GLI2: variants seen among roughly 807,000 people sequenced by gnomAD.
The protein encoded by GLI2 is GLI family zinc finger 2.
Under a neutral mutation model 78.9 loss-of-function variants are expected in GLI2, and 22 were observed. The ratio of observed to expected loss-of-function variants is 0.28; its 90% CI spans 0.20 to 0.40. The LOEUF (loss-of-function observed/expected upper bound fraction) is 0.40, where lower values mean the gene tolerates loss of function less well. GLI2 is among the 10% of genes least tolerant of loss of function. The pLI, the probability that GLI2 is intolerant of heterozygous loss-of-function variation, is 1.00. For synonymous variants in GLI2, 974 were observed against 963.7 expected, an observed-to-expected ratio of 1.01 and a Z score of -0.20; for missense variants, 2,097 against 2,213.2, an observed-to-expected ratio of 0.95 and a Z score of 1.05.
chr2:120,791,573 A>G (rs1323072469), intron 1 of GLI2, among the ~76,000 whole-genome samples: 1 of 152,228 alleles, frequency 6.6e-6, no homozygotes, highest in Non-Finnish European at 1.5e-5. Flanking sequence ...GGATCTTAAA[A>G]ATAAGTCTGT....
chr2:120,984,064 C>T (rs1682849648), intron 11 of GLI2, among the ~76,000 whole-genome samples: 1 of 152,024 alleles, frequency 6.6e-6, no homozygotes, highest in Non-Finnish European at 1.5e-5. Context: ...GTTCCTTTGC[C>T]TCCCTGATCC....
chr2:120,850,900 C>T (rs904664742), intron 2 of GLI2, among the ~76,000 whole-genome samples: 7 of 152,126 alleles, frequency 4.6e-5, no homozygotes, highest in Admixed American at 3.3e-4. Flanking sequence ...AGAATCAAAA[C>T]GTGGTATTTT....
At chr2:120,901,229 T>C (rs1678238026) in intron 2 of GLI2, among the ~76,000 whole-genome samples, 1 of 152,206 alleles carries the variant, frequency 6.6e-6, no homozygotes, top group African/African-American at 2.4e-5. Flanking sequence ...GTTTTTTTCT[T>C]CCAGACTGTT....
chr2:120,813,686 T>C (rs957532661), intron 2 of GLI2, among the ~76,000 whole-genome samples: 3 of 152,146 alleles, frequency 2.0e-5, no homozygotes, highest in African/African-American at 7.2e-5. Context: ...CACTGCTGAC[T>C]TCTCCTCCAT....
chr2:120,936,440 G>A (rs573410663), intron 3 of GLI2, among the ~76,000 whole-genome samples: 2 of 152,290 alleles, frequency 1.3e-5, no homozygotes, highest in South Asian at 2.1e-4. Context: ...ACCCTGTAAG[G>A]TGGGGGATTT....
At chr2:120,963,563 G>A (rs1681691524) in intron 5 of GLI2, among the ~76,000 whole-genome samples, 1 of 151,782 alleles carries the variant, frequency 6.6e-6, no homozygotes, top group East Asian at 1.9e-4. Flanking sequence ...GTGTCCACCT[G>A]GGGTGTGTGT....
At position 120,862,318 on chromosome 2, in the gene GLI2, A is replaced by G. The variant is rs932816037; in HGVS notation, c.148+64850A>G. 2.0e-5 allele frequency among the ~76,000 whole-genome samples: 3 copies of G among 152,194 alleles called. No homozygotes were observed. In the South Asian group the frequency reaches 6.2e-4, roughly 32 times the overall value. On this transcript the variant is annotated intron_variant, in intron 2 of 13. Transcript: ENST00000361492. ...GCCTACACAGGAAATGCCTCCTAACATAAGGATGCAGTTCGCCCACCCCTC... is the reference window on the plus strand; with the variant it reads ...GCCTACACAGGAAATGCCTCCTAACGTAAGGATGCAGTTCGCCCACCCCTC...
chr2:120,804,689 CA>C (rs1307263341), intron 2 of GLI2, among the ~76,000 whole-genome samples: 1 of 152,262 alleles, frequency 6.6e-6, no homozygotes, highest in Non-Finnish European at 1.5e-5. Flanking sequence ...CCATCCAGAA[CA>C]ACCAGTTCCC....
intron 5 of GLI2, among the ~76,000 whole-genome samples, chr2:120,963,552 T>C (rs1039810306): frequency 3.3e-5 from 5 of 151,680 alleles, no homozygotes; most frequent in Non-Finnish European, 5.9e-5. Flanking sequence ...TGTTTGTGTG[T>C]GTGTCCACCT....
intron 1 of GLI2, among the ~76,000 whole-genome samples, chr2:120,753,359 G>T (rs1322660166): frequency 6.6e-6 from 1 of 152,204 alleles, no homozygotes; most frequent in African/African-American, 2.4e-5. Context: ...ACCTCTGAAA[G>T]TGCTGGGATT....
chr2:120,942,867 T>C (rs201750005), intron 3 of GLI2, among the ~76,000 whole-genome samples: 2,136 of 13,000 alleles, frequency 0.16, 69 homozygotes, highest in Admixed American at 0.24. Context: ...CCCTCTTTCA[T>C]TCATTCATTC....
At position 120,970,423 on chromosome 2, in the gene GLI2, C is replaced by A; in HGVS notation, c.876C>A (p.Asn292Lys). 6.2e-7 allele frequency: 1 copy of A among 1,613,276 alleles called. No individual in the cohort carries two copies. The highest frequency in any genetic ancestry group is 8.5e-7 in the Non-Finnish European group (1 of 1,179,316). The change falls in exon 7 of 14, where the codon AAC (asparagine) becomes AAA (lysine). Residue 292 changes from asparagine (N) to lysine (K), a missense_variant. Asn to Lys is a moderately conservative substitution (Grantham distance 94). Transcript: ENST00000361492. ...CCTTCACCTTCCCCCACCCCATCAA[C>A]CCCGTGGCCTACCAGCAGATTCTGA... Reference protein sequence around the residue: ...SPAFTFPHPINPVAYQQILSQ... With the variant: ...SPAFTFPHPIKPVAYQQILSQ...
rs986967732 is a variant in GLI2 at position 120,982,648 on chromosome 2, G to A, written c.1468-68G>A. On this transcript the variant is annotated intron_variant, in intron 10 of 13. Transcript: ENST00000361492. ...GCAGAGCAGAGAAGGGGGTGGGGAG[G>A]AAGCAGCAGCCGGCCTCAAGGTTGG... The A allele has an allele frequency of 2.9e-6, 4 of 1,394,928 alleles. No individual in the cohort carries two copies. The African/African-American group carries it at 4.3e-5, about 15-fold the overall frequency. The allele number at this position is 1,394,928 out of a possible 1,614,324, so 86.4% of individuals were successfully genotyped here.
At position 120,927,452 on chromosome 2, in the gene GLI2, C is replaced by A; in HGVS notation, c.240C>A (p.Val80=). The A allele has an allele frequency of 6.2e-7, 1 of 1,611,204 alleles. No homozygotes were observed. The highest frequency in any genetic ancestry group is 8.5e-7 in the Non-Finnish European group (1 of 1,177,288). ...GGTACCATTACGAGCCTCATTCTGT[C>A]CACGGTGTGCACGGGTAAGTCCTGC... ...EGRYHYEPHS[V]HGVHGPPALS... The change falls in exon 3 of 14, where the codon GTC becomes GTA. Residue 80 remains valine (V), a synonymous_variant. Coordinates refer to ENST00000361492, the MANE Select transcript of GLI2 (RefSeq NM_001374353.1).
intron 3 of GLI2, among the ~76,000 whole-genome samples, chr2:120,937,518 C>T (rs1353141503): frequency 6.6e-6 from 1 of 152,068 alleles, no homozygotes; most frequent in African/African-American, 2.4e-5. Flanking sequence ...CCCAGAGCAC[C>T]AGGAATACAG....
intron 10 of GLI2, 29 bp from the exon 11 acceptor site, chr2:120,982,687 C>G: frequency 6.3e-7 from 1 of 1,594,728 alleles, no homozygotes; most frequent in Admixed American, 1.7e-5. Flanking sequence ...CCCTGGGGTG[C>G]CTTGACTGAC....
intron 7 of GLI2, among the ~76,000 whole-genome samples, chr2:120,971,648 G>A (rs545744172): frequency 6.6e-6 from 1 of 152,224 alleles, no homozygotes; most frequent in East Asian, 1.9e-4. Context: ...GGTCAGAACA[G>A]GAGCAAGGGC....
At chr2:120,960,983 G>C (rs1681525609) in intron 5 of GLI2, among the ~76,000 whole-genome samples, 1 of 152,192 alleles carries the variant, frequency 6.6e-6, no homozygotes, top group African/African-American at 2.4e-5. Context: ...TCATCATTCT[G>C]CTGAGCGGCT....
intron 1 of GLI2, among the ~76,000 whole-genome samples, chr2:120,752,469 C>T (rs1682906786): frequency 1.3e-5 from 2 of 152,070 alleles, no homozygotes; most frequent in Non-Finnish European, 2.9e-5. Context: ...TGGGCTTTCA[C>T]CATGTTAGCC....
Sources: gnomAD v4.1 joint callset for allele counts (sites outside exome capture counted in the v4.1 genomes callset) on GRCh38, gnomAD v4.1.1 for gene constraint, MANE v1.5 for transcripts, NCBI Gene and HGNC (gene_info 2026-07-23, HGNC 2026-07-21) for gene names.